CCDC88C: variants seen among roughly 807,000 people sequenced by gnomAD.
CCDC88C encodes protein Daple.
Under a neutral mutation model 198.8 loss-of-function variants are expected in CCDC88C, and 131 were observed. That is an observed-to-expected ratio of 0.66 (90% CI 0.57 to 0.76). The LOEUF is 0.76. Among genes scored for constraint, CCDC88C ranks in the 30% least tolerant of loss-of-function variants. The pLI is 0.00. For synonymous variants in CCDC88C, 1,166 were observed against 1,114.7 expected (o/e 1.05, Z -0.92); for missense variants, 2,553 against 2,631.6 (o/e 0.97, Z 0.65).
chr14:91,411,509 T>C (rs1285839), intron 2 of CCDC88C, among the ~76,000 whole-genome samples: 131,431 of 152,218 alleles, frequency 0.86, 56,962 homozygotes, highest in East Asian at 0.98. Flanking sequence ...ATCATCTTTA[T>C]ATGATAGTCC....
At chr14:91,276,530 A>C (rs1889973186) in intron 29 of CCDC88C, among the ~76,000 whole-genome samples, 2 of 152,274 alleles carry the variant, frequency 1.3e-5, no homozygotes, top group Non-Finnish European at 2.9e-5. Flanking sequence ...TTCCAAGAGC[A>C]GGCACCATGC....
rs574780910 is a variant in CCDC88C at position 91,294,008 on chromosome 14, C to A, written c.4112+165G>T. Among the ~76,000 whole-genome samples, 3 of 152,300 alleles carry A rather than the reference C, an allele frequency of 2.0e-5. No individual in the cohort carries two copies. In the South Asian group the frequency reaches 6.2e-4, roughly 32 times the overall value. On this transcript the variant is annotated intron_variant, in intron 23 of 29. Transcript: ENST00000389857. ...AGAACTCTAGAAACTGAGAACATTC[C>A]AGGAAACTAAGGGCAGTCCGTGCTG...
At chr14:91,294,111 G>T in intron 23 of CCDC88C, 62 bp downstream of exon 23, 1 of 1,595,136 alleles carries the variant, frequency 6.3e-7, no homozygotes. Context: ...AGGACCTCCA[G>T]AGACTGAGGA....
chr14:91,416,907 C>T, intron 1 of CCDC88C, 69 bp from the exon 2 acceptor site: 1 of 1,153,622 alleles, frequency 8.7e-7, no homozygotes, highest in South Asian at 1.3e-5. Context: ...CCAAAGCTCT[C>T]CCAGGCAGAG....
At chr14:91,304,101 G>A (rs987506082) in intron 19 of CCDC88C, 123 bp from the exon 20 acceptor site, 3 of 1,136,524 alleles carry the variant, frequency 2.6e-6, no homozygotes, top group Non-Finnish European at 3.7e-6. Context: ...AAGACCCAGA[G>A]GGTACCCAGG....
chr14:91,388,304 G>A (rs1885273974), intron 3 of CCDC88C, among the ~76,000 whole-genome samples: 1 of 152,304 alleles, frequency 6.6e-6, no homozygotes, highest in African/African-American at 2.4e-5. Flanking sequence ...CTCACCATGT[G>A]GCCTCAGCCC....
intron 3 of CCDC88C, among the ~76,000 whole-genome samples, chr14:91,360,136 G>A (rs1894240668): frequency 6.6e-6 from 1 of 151,988 alleles, no homozygotes; most frequent in African/African-American, 2.4e-5. Flanking sequence ...AAAATAAGGA[G>A]GCCAGGCGCA....
intron 12 of CCDC88C, among the ~76,000 whole-genome samples, chr14:91,324,197 C>G (rs551655784): frequency 3.9e-4 from 60 of 152,364 alleles, no homozygotes; most frequent in African/African-American, 1.4e-3. Flanking sequence ...CCATGACCGA[C>G]ACCTCCTCTC....
chr14:91,317,437 G>C (rs1892149137), intron 13 of CCDC88C, among the ~76,000 whole-genome samples: 1 of 152,220 alleles, frequency 6.6e-6, no homozygotes, highest in Non-Finnish European at 1.5e-5. Context: ...AGCTGGCTGA[G>C]GGTTGCCAGG....
At chr14:91,280,874 A>T (rs866252217) in intron 27 of CCDC88C, among the ~76,000 whole-genome samples, 15 of 152,218 alleles carry the variant, frequency 9.9e-5, no homozygotes, top group African/African-American at 3.6e-4. Flanking sequence ...ACACTTACCG[A>T]GCCTTTCACA....
chr14:91,385,489 T>G (rs1304234857), intron 3 of CCDC88C, among the ~76,000 whole-genome samples: 1 of 152,292 alleles, frequency 6.6e-6, no homozygotes, highest in Middle Eastern at 3.4e-3. Flanking sequence ...TCTCGCAGCT[T>G]GCCCAGCCCT....
At chr14:91,281,896 GCTGT>G (rs1259383285) in intron 26 of CCDC88C, among the ~76,000 whole-genome samples, 1 of 152,134 alleles carries the variant, frequency 6.6e-6, no homozygotes, top group Non-Finnish European at 1.5e-5. Context: ...CAGCAGTCAA[GCTGT>G]CTTCAGGTGG....
At chr14:91,386,289 C>CAAAA (rs1239070390) in intron 3 of CCDC88C, among the ~76,000 whole-genome samples, 9 of 106,886 alleles carry the variant, frequency 8.4e-5, no homozygotes, top group Admixed American at 1.0e-4. Flanking sequence ...ACTAAAAATA[C>CAAAA]AAAAAAAAAA....
chr14:91,326,421 C>T (rs1892586583), intron 10 of CCDC88C, among the ~76,000 whole-genome samples: 2 of 152,122 alleles, frequency 1.3e-5, no homozygotes, highest in Non-Finnish European at 2.9e-5. Context: ...TCATGTTATC[C>T]AGGCTGGTCT....
chr14:91,295,845 G>A (rs1890978919), intron 22 of CCDC88C, among the ~76,000 whole-genome samples: 1 of 152,170 alleles, frequency 6.6e-6, no homozygotes, highest in Non-Finnish European at 1.5e-5. Flanking sequence ...TCCATAAAGA[G>A]GCCATTAAGT....
intron 12 of CCDC88C, among the ~76,000 whole-genome samples, chr14:91,322,293 G>A (rs943532089): frequency 6.6e-5 from 10 of 152,296 alleles, no homozygotes; most frequent in Admixed American, 2.0e-4. Flanking sequence ...CAGATTCCCC[G>A]GGTGATCATA....
At chr14:91,291,934 C>T (rs1195070235) in intron 23 of CCDC88C, among the ~76,000 whole-genome samples, 1 of 152,200 alleles carries the variant, frequency 6.6e-6, no homozygotes, top group Non-Finnish European at 1.5e-5. Flanking sequence ...CGGGGCTGCG[C>T]CCACAGTGCA....
At position 91,272,910 on chromosome 14, in the gene CCDC88C, G is replaced by C. The variant is rs1224038883; in HGVS notation, c.5802C>G (p.Ala1934=). 6.3e-7 allele frequency: 1 copy of C among 1,576,416 alleles called. No individual in the cohort carries two copies. Among genetic ancestry groups the C allele is most frequent in the East Asian group, 2.3e-5 (1 of 43,246 alleles). The change falls in exon 30 of 30, where the codon GCC becomes GCG. Residue 1934 remains alanine (A), a synonymous_variant. Transcript: ENST00000389857. The part of the protein sequence containing the change: ...SQLLHFSPAA[A]PAARTKPKAP... ...CCTTGGGCTTGGTCCTGGCAGCCGG[G>C]GCTGCAGCAGGTGAGAAGTGCAGGA...
rs552280685 is a variant in CCDC88C at position 91,410,905 on chromosome 14, G to A, written c.162-2138C>T. On this transcript the variant is annotated intron_variant, in intron 2 of 29. Transcript: ENST00000389857. ...GGAGCCGAAAGCCTCAGTATACATC[G>A]TGGACATCTCCAGCACGTGCAAAGG... Among the ~76,000 whole-genome samples, 4 of 152,250 alleles carry A rather than the reference G, an allele frequency of 2.6e-5. No homozygotes were observed. The South Asian group carries it at 6.2e-4, about 24-fold the overall frequency.
Sources: gnomAD v4.1 joint callset for allele counts (sites outside exome capture counted in the v4.1 genomes callset) on GRCh38, gnomAD v4.1.1 for gene constraint, MANE v1.5 for transcripts, NCBI Gene and HGNC (gene_info 2026-07-23, HGNC 2026-07-21) for gene names.